Variants in ARHGAP40 observed in about 807,000 individuals in gnomAD.
ARHGAP40 encodes Rho GTPase activating protein 40.
In ARHGAP40, 43 loss-of-function variants were observed where a neutral mutation model predicts 73.5. The observed-to-expected ratio is 0.58, with a 90% CI of 0.46 to 0.75. The LOEUF is 0.75. Among genes scored for constraint, ARHGAP40 ranks in the 30% least tolerant of loss-of-function variants. ARHGAP40 has a pLI of 0.00. For missense variants in ARHGAP40, 734 were observed against 861.8 expected (o/e 0.85, Z 1.86); for synonymous variants, 300 against 352.8 (o/e 0.85, Z 1.68).
chr20:38,639,416 AG>A (rs1568610925), intron 9 of ARHGAP40, 30 bp downstream of exon 9: 1 of 1,290,260 alleles, frequency 7.8e-7, no homozygotes, highest in Admixed American at 2.3e-5. Flanking sequence ...TAGCCTGTGC[AG>A]GGATGGAGAG....
At position 38,628,071 on chromosome 20, in the gene ARHGAP40, C is replaced by T. The variant is rs370445899; in HGVS notation, c.558+856C>T. 6.6e-5 allele frequency among the ~76,000 whole-genome samples: 10 copies of T among 152,198 alleles called. No homozygotes were observed. The East Asian group carries it at 1.7e-3, about 26-fold the overall frequency. On this transcript the variant is annotated intron_variant, in intron 3 of 14. Transcript: ENST00000373345. ...CAGGACAGCAGCCCAGGGGCAGGAC[C>T]ACCCTATAGGCTGTGTGTCCAGAGC...
At chr20:38,640,695 GCT>G (rs2145612684) in intron 9 of ARHGAP40, among the ~76,000 whole-genome samples, 1 of 152,142 alleles carries the variant, frequency 6.6e-6, no homozygotes, top group East Asian at 1.9e-4. Context: ...GTCTGGCCAG[GCT>G]CTCTCGCTTT....
intron 1 of ARHGAP40, among the ~76,000 whole-genome samples, chr20:38,616,240 G>C (rs1387451414): frequency 6.6e-6 from 1 of 152,236 alleles, no homozygotes; most frequent in Non-Finnish European, 1.5e-5. Flanking sequence ...TCCCTGCTCA[G>C]CAAAGTAAAG....
chr20:38,649,553 C>CG (rs138925011), intron 14 of ARHGAP40, among the ~76,000 whole-genome samples: 24,427 of 152,164 alleles, frequency 0.16, 2,435 homozygotes, highest in Non-Finnish European at 0.23. Flanking sequence ...GTGGGCTTCC[C>CG]AGGGGAAAGG....
chr20:38,643,780 T>C, exon 11 of ARHGAP40: 1 of 1,305,810 alleles, frequency 7.7e-7, no homozygotes, highest in African/African-American at 1.5e-5. Context: ...GTTTCCACCG[T>C]GATGGCCCCT....
chr20:38,604,662 G>A (rs1470294824), intron 1 of ARHGAP40, among the ~76,000 whole-genome samples: 1 of 152,116 alleles, frequency 6.6e-6, no homozygotes, highest in Non-Finnish European at 1.5e-5. Context: ...CCAAAGTGCT[G>A]GGATTACAAG....
At chr20:38,627,558 G>A (rs1327946981) in intron 3 of ARHGAP40, among the ~76,000 whole-genome samples, 4 of 136,152 alleles carry the variant, frequency 2.9e-5, no homozygotes, top group African/African-American at 1.1e-4. Context: ...TGTGTGTTGG[G>A]GTATGTGTGT....
intron 1 of ARHGAP40, among the ~76,000 whole-genome samples, chr20:38,606,776 G>C (rs1293393155): frequency 6.6e-6 from 1 of 152,204 alleles, no homozygotes. Flanking sequence ...CTCATGTGTA[G>C]CTCAAGTCTC....
intron 7 of ARHGAP40, 150 bp from the exon 8 acceptor site, chr20:38,638,611 T>C: frequency 2.3e-6 from 1 of 426,366 alleles, no homozygotes; most frequent in Non-Finnish European, 4.3e-6. Flanking sequence ...GCTGGGCTCA[T>C]GGAAGTGGTC....
At chr20:38,627,056 G>C in exon 3 of ARHGAP40, 1 of 1,305,314 alleles carries the variant, frequency 7.7e-7, no homozygotes, top group African/African-American at 1.5e-5. Flanking sequence ...TTGGTGGCCT[G>C]GGCTTGGATG....
intron 4 of ARHGAP40, 129 bp downstream of exon 4, chr20:38,629,131 T>C: frequency 1.2e-6 from 1 of 817,142 alleles, no homozygotes; most frequent in Non-Finnish European, 1.7e-6. Flanking sequence ...CCTTCCCTGC[T>C]CAAGGGCAGT....
rs754136395 is a variant in ARHGAP40, at chr20:38,637,727, G to T, written c.969G>T (p.Val323=). Residue 323 remains valine, a synonymous_variant, in exon 7 of 15, where the codon GTG becomes GTT. Coordinates refer to ENST00000373345, the Ensembl canonical transcript of ARHGAP40. ...CTGCAGAAACTCGCCTCTTTGGTGT[G>T]CCCCTTGACAGCCTGCTAGAAGCTG... 5 of 1,305,150 alleles carry T rather than the reference G, an allele frequency of 3.8e-6. No homozygotes were observed. In the South Asian group the frequency reaches 4.9e-5, roughly 13 times the overall value. 80.8% of individuals were successfully genotyped at this position (1,305,150 alleles called of 1,614,324 possible).
At chr20:38,607,169 C>A (rs1162784002) in intron 1 of ARHGAP40, among the ~76,000 whole-genome samples, 1 of 152,206 alleles carries the variant, frequency 6.6e-6, no homozygotes, top group African/African-American at 2.4e-5. Flanking sequence ...GGCTTGTTTT[C>A]ATGGGACAAG....
chr20:38,649,786 C>T, exon 15 of ARHGAP40: 2 of 1,305,270 alleles, frequency 1.5e-6, no homozygotes, highest in Admixed American at 2.3e-5. Context: ...AGATGCCTAC[C>T]TCTTAGATCT....
chr20:38,648,894 C>G (rs1031085012), intron 14 of ARHGAP40, among the ~76,000 whole-genome samples, 196 bp downstream of exon 14: 1 of 152,222 alleles, frequency 6.6e-6, no homozygotes, highest in Non-Finnish European at 1.5e-5. Flanking sequence ...TCTTAGGAGC[C>G]TATCCTGGAG....
chr20:38,626,237 C>G (rs1362990383), intron 2 of ARHGAP40, among the ~76,000 whole-genome samples: 1 of 152,242 alleles, frequency 6.6e-6, no homozygotes, highest in Non-Finnish European at 1.5e-5. Flanking sequence ...TGGGTCAACA[C>G]TGGGTACAAC....
At position 38,615,344 on chromosome 20, in the gene ARHGAP40, A is replaced by C. The variant is rs535663431; in HGVS notation, c.138-8015A>C. On this transcript the variant is annotated intron_variant, in intron 1 of 14. Transcript: ENST00000373345. Reference sequence around the variant, plus strand: ...CAGGTTAATTGCCAGCCACGGGGGTACTTCCACTGGTAAACCAGGGTTAAA... The same window carrying C: ...CAGGTTAATTGCCAGCCACGGGGGTCCTTCCACTGGTAAACCAGGGTTAAA... The C allele has an allele frequency of 5.2e-6, 4 of 768,342 alleles. No homozygotes were observed. The South Asian group carries it at 5.4e-5, about 10-fold the overall frequency. 47.6% of individuals were successfully genotyped at this position (768,342 alleles called of 1,614,324 possible).
intron 9 of ARHGAP40, among the ~76,000 whole-genome samples, chr20:38,640,163 CT>C (rs2089008068): frequency 7.0e-6 from 1 of 143,478 alleles, no homozygotes; most frequent in African/African-American, 2.7e-5. Flanking sequence ...CTTCTTTCTT[CT>C]TTCTTCTTCT....
intron 1 of ARHGAP40, among the ~76,000 whole-genome samples, chr20:38,620,527 G>A (rs766813250): frequency 3.3e-5 from 5 of 152,318 alleles, no homozygotes; most frequent in African/African-American, 4.8e-5. Flanking sequence ...AAATTGTCAC[G>A]AAAACACACA....
Sources: allele counts gnomAD v4.1 joint callset (sites outside exome capture counted in the v4.1 genomes callset), GRCh38; gene constraint gnomAD v4.1.1; transcripts MANE v1.5; gene names NCBI Gene and HGNC (gene_info 2026-07-23, HGNC 2026-07-21).